FHIT: variants seen among roughly 807,000 people sequenced by gnomAD.
FHIT encodes the protein fragile histidine triad diadenosine triphosphatase, also known as bis(5'-adenosyl)-triphosphatase.
FHIT carries 19 observed loss-of-function variants against 17.9 expected under a neutral mutation model. The ratio of observed to expected loss-of-function variants is 1.06; its 90% CI spans 0.74 to 1.56. FHIT has a LOEUF of 1.56. Ranked by LOEUF, FHIT falls within the 40% of genes most tolerant of loss-of-function variation. The probability of loss-of-function intolerance (pLI) is 0.00; values close to 1 mark genes in which losing one functional copy is unlikely to be tolerated. For synonymous variants in FHIT, 81 were observed against 69.7 expected (o/e 1.16, Z -0.81); for missense variants, 248 against 189.2 (o/e 1.31, Z -1.82).
At chr3:61,036,962 A>C (rs937158503) in intron 3 of FHIT, among the ~76,000 whole-genome samples, 2 of 144,020 alleles carry the variant, frequency 1.4e-5, no homozygotes, top group African/African-American at 5.2e-5. Flanking sequence ...CCTAGGCCGG[A>C]GTGCAGTGGC....
At chr3:60,736,446 G>C (rs1577138792) in intron 4 of FHIT, among the ~76,000 whole-genome samples, 1 of 152,100 alleles carries the variant, frequency 6.6e-6, no homozygotes, top group African/African-American at 2.4e-5. Context: ...CCACACAATG[G>C]GCATTATTTG....
chr3:60,527,600 C>G (rs931413126), intron 5 of FHIT, among the ~76,000 whole-genome samples: 1 of 152,112 alleles, frequency 6.6e-6, no homozygotes. Context: ...AAGGCTTAAA[C>G]CTTCTAGACT....
At chr3:60,823,372 G>A (rs888049140) in intron 3 of FHIT, among the ~76,000 whole-genome samples, 1 of 152,050 alleles carries the variant, frequency 6.6e-6, no homozygotes. Context: ...GACCTTATTT[G>A]GTAATAGGAT....
chr3:60,012,806 C>G (rs938715893), intron 6 of FHIT, among the ~76,000 whole-genome samples: 2 of 152,178 alleles, frequency 1.3e-5, no homozygotes, highest in Non-Finnish European at 2.9e-5. Context: ...CAAGTCAGCT[C>G]TTACATTTAT....
intron 5 of FHIT, among the ~76,000 whole-genome samples, chr3:60,476,073 G>T (rs902433648): frequency 6.6e-6 from 1 of 152,154 alleles, no homozygotes; most frequent in African/African-American, 2.4e-5. Flanking sequence ...AGAGTTAATA[G>T]AAGTGAGATA....
At chr3:60,299,183 A>T (rs1708342614) in intron 5 of FHIT, among the ~76,000 whole-genome samples, 1 of 152,108 alleles carries the variant, frequency 6.6e-6, no homozygotes. Context: ...ATTTAATCGT[A>T]TTCTTTGAAC....
chr3:60,274,345 C>T (rs1707018508), intron 5 of FHIT, among the ~76,000 whole-genome samples: 2 of 152,172 alleles, frequency 1.3e-5, no homozygotes, highest in African/African-American at 4.8e-5. Flanking sequence ...AACACCTTAA[C>T]ACCTAATATA....
chr3:60,963,737 G>T (rs1709575501), intron 3 of FHIT, among the ~76,000 whole-genome samples: 1 of 151,856 alleles, frequency 6.6e-6, no homozygotes, highest in Non-Finnish European at 1.5e-5. Flanking sequence ...CATTTGAGCG[G>T]TTTTTGAATG....
intron 2 of FHIT, among the ~76,000 whole-genome samples, chr3:61,106,705 A>C (rs2106872758): frequency 6.6e-6 from 1 of 152,248 alleles, no homozygotes; most frequent in Non-Finnish European, 1.5e-5. Context: ...TCTGTCGCCC[A>C]GGCTGGAGTG....
chr3:60,009,163 TTA>T (rs1377481333), intron 7 of FHIT, among the ~76,000 whole-genome samples: 5,621 of 128,574 alleles, frequency 0.044, 485 homozygotes, highest in East Asian at 0.1. Flanking sequence ...CTCTGGGATT[TTA>T]TGTGTGTGTG....
At chr3:59,775,507 CCT>C (rs965275681) in intron 8 of FHIT, among the ~76,000 whole-genome samples, 1 of 152,086 alleles carries the variant, frequency 6.6e-6, no homozygotes, top group African/African-American at 2.4e-5. Context: ...CAGGCACCTT[CCT>C]TTTTGATTTT....
chr3:59,849,994 T>C (rs1321105359), intron 8 of FHIT, among the ~76,000 whole-genome samples: 1 of 152,202 alleles, frequency 6.6e-6, no homozygotes, highest in Non-Finnish European at 1.5e-5. Flanking sequence ...CATGCTGGGT[T>C]TTTTTCCATA....
intron 1 of FHIT, among the ~76,000 whole-genome samples, chr3:61,209,013 TG>T (rs1181625693): frequency 6.6e-6 from 1 of 152,014 alleles, no homozygotes; most frequent in Non-Finnish European, 1.5e-5. Flanking sequence ...GCTGGCCTGG[TG>T]GTGAGAAAAT....
intron 3 of FHIT, among the ~76,000 whole-genome samples, chr3:60,927,634 C>T (rs1157863605): frequency 1.1e-4 from 16 of 151,932 alleles, no homozygotes; most frequent in African/African-American, 3.9e-4. Context: ...TGCCCGGCCG[C>T]CCTGTCTGGG....
At position 60,568,071 on chromosome 3, in the gene FHIT, T is replaced by G. The variant is rs149178436; in HGVS notation, c.-17-31092A>C. ...TGGCAATTCCTCAGGGATCTTGAAC[T>G]AGAAATGCCATTTGGCCCAGCAATC... On this transcript the variant is annotated intron_variant, in intron 4 of 9. Coordinates refer to ENST00000492590, the MANE Select transcript of FHIT (RefSeq NM_002012.4). Among the ~76,000 whole-genome samples, 911 of 152,280 alleles carry G rather than the reference T, an allele frequency of 6.0e-3. 6 individuals carry two copies. Among genetic ancestry groups the G allele is most frequent in the Non-Finnish European group, 9.9e-3 (671 of 68,032 alleles).
At chr3:59,931,845 T>C (rs1705987426) in intron 7 of FHIT, among the ~76,000 whole-genome samples, 1 of 152,092 alleles carries the variant, frequency 6.6e-6, no homozygotes, top group African/African-American at 2.4e-5. Context: ...GATATATGGG[T>C]GCCATACATC....
rs531415302 is a variant in FHIT at position 59,848,156 on chromosome 3, A to C, written c.348+74190T>G. ...CAAGCCATGTGCAAACCAGGAGTACATGCACAGCTGCCTGCCATGGGGCTG... is the reference window on the plus strand; with the variant it reads ...CAAGCCATGTGCAAACCAGGAGTACCTGCACAGCTGCCTGCCATGGGGCTG... On this transcript the variant is annotated intron_variant, in intron 8 of 9. Coordinates refer to ENST00000492590, the MANE Select transcript of FHIT (RefSeq NM_002012.4). 3.9e-5 allele frequency among the ~76,000 whole-genome samples: 6 copies of C among 152,332 alleles called. No individual in the cohort carries two copies. In the East Asian group the frequency reaches 1.2e-3, roughly 29 times the overall value.
At chr3:60,355,976 G>A (rs1264610972) in intron 5 of FHIT, among the ~76,000 whole-genome samples, 1 of 152,136 alleles carries the variant, frequency 6.6e-6, no homozygotes, top group African/African-American at 2.4e-5. Context: ...AAGCGTAAGG[G>A]AAATTGTAAA....
At chr3:59,992,788 G>A (rs1487502989) in intron 7 of FHIT, among the ~76,000 whole-genome samples, 1 of 152,012 alleles carries the variant, frequency 6.6e-6, no homozygotes, top group Non-Finnish European at 1.5e-5. Flanking sequence ...ACAGAACAGA[G>A]AGAACACGTG....
Sources: allele counts gnomAD v4.1 joint callset (sites outside exome capture counted in the v4.1 genomes callset), GRCh38; gene constraint gnomAD v4.1.1; transcripts MANE v1.5; gene names NCBI Gene and HGNC (gene_info 2026-07-23, HGNC 2026-07-21).